Variants in MIA3 observed in about 807,000 individuals in gnomAD.
MIA3 encodes the protein MIA SH3 domain ER export factor 3, also known as transport and Golgi organization protein 1 homolog.
Under a neutral mutation model 192.4 loss-of-function variants are expected in MIA3, and 90 were observed. The ratio of observed to expected loss-of-function variants is 0.47; its 90% CI spans 0.39 to 0.56. The LOEUF is 0.56. MIA3 is among the 20% of genes least tolerant of loss of function. The pLI is 0.00. For missense variants in MIA3, 2,123 were observed against 2,269.4 expected, an observed-to-expected ratio of 0.94 and a Z score of 1.31; for synonymous variants, 740 against 792.8, an observed-to-expected ratio of 0.93 and a Z score of 1.12.
chr1:222,622,317 A>G (rs970401918), intron 2 of MIA3, among the ~76,000 whole-genome samples: 17 of 152,110 alleles, frequency 1.1e-4, no homozygotes, highest in African/African-American at 3.9e-4. Flanking sequence ...CTTATGAGTT[A>G]TTGTCCTTTC....
intron 4 of MIA3, 70 bp downstream of exon 4, chr1:222,630,459 T>C: frequency 2.7e-6 from 4 of 1,467,826 alleles, no homozygotes; most frequent in Non-Finnish European, 2.7e-6. Flanking sequence ...GTGCCTCCTA[T>C]CTTGTGAAGC....
intron 2 of MIA3, among the ~76,000 whole-genome samples, chr1:222,622,895 C>T (rs1397370748): frequency 2.0e-5 from 3 of 152,222 alleles, no homozygotes; most frequent in Non-Finnish European, 4.4e-5. Context: ...ACGCTGCCTT[C>T]AGCACCCAGC....
chr1:222,628,234 T>C lies in MIA3; in HGVS notation c.1014T>C (p.Asp338=). 1 of 1,614,088 alleles carries C rather than the reference T, an allele frequency of 6.2e-7. No individual in the cohort carries two copies. The highest frequency in any genetic ancestry group is 8.5e-7 in the Non-Finnish European group (1 of 1,180,016). Residue 338 remains aspartate (D), a synonymous_variant, in exon 4 of 28, where the codon GAT becomes GAC. Coordinates refer to ENST00000344922, the MANE Select transcript of MIA3 (RefSeq NM_198551.4). ...TACTTACCTTTACAGATGGGGAAGATATGAAAACTCCAGCAAAGTCTGGCG... is the reference window on the plus strand; with the variant it reads ...TACTTACCTTTACAGATGGGGAAGACATGAAAACTCCAGCAAAGTCTGGCG... ...LPLLTFTDGE[D]MKTPAKSGVE...
chr1:222,628,434 G>T lies in MIA3; in HGVS notation c.1214G>T (p.Ser405Ile). 6.2e-7 allele frequency: 1 copy of T among 1,613,332 alleles called. No homozygotes were observed. The highest frequency in any genetic ancestry group is 8.5e-7 in the Non-Finnish European group (1 of 1,179,830). Residue 405 changes from serine (S) to isoleucine (I), a missense_variant, in exon 4 of 28, where the codon AGC (serine) becomes ATC (isoleucine). Around this residue, in one of 3 missense-constraint regions of MIA3, gnomAD observed 1,357 missense variants for 1,396.1 expected, o/e 0.97. Coordinates refer to ENST00000344922, the MANE Select transcript of MIA3 (RefSeq NM_198551.4). ...EETRDTMDLE[S>I]SSSEEEKEDD... ...ACAAGAGATACGATGGATTTAGAGA[G>T]CTCTAGTTCAGAGGAAGAAAAAGAA...
chr1:222,623,270 GT>G (rs547728674), intron 2 of MIA3, among the ~76,000 whole-genome samples: 21,893 of 144,048 alleles, frequency 0.15, 2,654 homozygotes, highest in African/African-American at 0.35. Flanking sequence ...GTGAGCCTAT[GT>G]TTTTTTTTTT....
chr1:222,664,092 G>A lies in MIA3; in HGVS notation c.5357G>A (p.Gly1786Glu). 6.2e-7 allele frequency: 1 copy of A among 1,614,146 alleles called. No individual in the cohort carries two copies. The highest frequency in any genetic ancestry group is 8.5e-7 in the Non-Finnish European group (1 of 1,180,012). Residue 1786 changes from glycine to glutamate, a missense_variant, in exon 27 of 28, where the codon GGA becomes GAA. By Grantham distance (98) the Gly-to-Glu change is moderately conservative. Coordinates refer to ENST00000344922, the MANE Select transcript of MIA3 (RefSeq NM_198551.4). The stretch of plus-strand genomic sequence containing the variant: ...CCTGTACCACCACCCATTCGATATG[G>A]ACCACCACCTCAGCTCTGCGGACCT... ...GGPVPPPIRY[G>E]PPPQLCGPFG... is the part of the protein sequence containing the mutation.
intron 26 of MIA3, among the ~76,000 whole-genome samples, chr1:222,663,705 C>T (rs1239025547): frequency 1.3e-5 from 2 of 152,100 alleles, no homozygotes; most frequent in Non-Finnish European, 2.9e-5. Flanking sequence ...GTATGAATGG[C>T]GTAACTTCTA....
In MIA3 at chr1:222,660,287, C is replaced by T. The variant is rs1040322499; in HGVS notation, c.5086C>T (p.Arg1696Ter). The change falls in exon 24 of 28, where the codon CGA (arginine) becomes TGA (stop). Residue 1696 changes from arginine (R) to a stop codon, truncating the protein, a stop_gained. Coordinates refer to ENST00000344922, the MANE Select transcript of MIA3 (RefSeq NM_198551.4). LOFTEE classifies it high-confidence loss of function. ...PVRPLSATLN[R>*]RDMPRSEFGS... ...GAGACCTCTCTCTGCTACTCTCAAT[C>T]GAAGAGATATGCCTAGAAGTGAATT... 2.5e-6 allele frequency: 4 copies of T among 1,613,620 alleles called. No individual in the cohort carries two copies. The highest frequency in any genetic ancestry group is 1.3e-5 in the African/African-American group (1 of 74,886).
chr1:222,661,834 C>T (rs1558198429), intron 24 of MIA3, among the ~76,000 whole-genome samples: 1 of 152,204 alleles, frequency 6.6e-6, no homozygotes, highest in South Asian at 2.1e-4. Flanking sequence ...AAGTATAGAA[C>T]CAGAGCCATT....
chr1:222,657,814 G>A (rs964380319), intron 18 of MIA3, among the ~76,000 whole-genome samples: 2 of 152,180 alleles, frequency 1.3e-5, no homozygotes, highest in African/African-American at 4.8e-5. Context: ...AATATTTGCT[G>A]AAGTATTTAT....
intron 27 of MIA3, among the ~76,000 whole-genome samples, chr1:222,664,469 C>T (rs1028152188): frequency 1.3e-5 from 2 of 152,304 alleles, no homozygotes; most frequent in African/African-American, 4.8e-5. Flanking sequence ...CATCCCCTAA[C>T]TAAGATGTCC....
chr1:222,643,358 T>C (rs368448864), intron 6 of MIA3, among the ~76,000 whole-genome samples: 14 of 152,224 alleles, frequency 9.2e-5, no homozygotes, highest in African/African-American at 2.9e-4. Context: ...GGATTTTTTA[T>C]TCTGCCCCGT....
Position 222,627,856 on chromosome 1 carries a change from T to C in MIA3, c.636T>C (p.His212=), listed in dbSNP as rs760485555. 48 of 1,613,934 alleles carry C rather than the reference T, an allele frequency of 3.0e-5. No homozygotes were observed. Among genetic ancestry groups the C allele is most frequent in the Non-Finnish European group, 3.8e-5 (45 of 1,180,032 alleles). The change falls in exon 4 of 28, where the codon CAT becomes CAC. Residue 212 remains histidine, a synonymous_variant. Coordinates refer to ENST00000344922, the MANE Select transcript of MIA3 (RefSeq NM_198551.4). The part of the protein sequence containing the change: ...EQFTTQKHHS[H]ANSQANHAQG... ...TTACAACTCAGAAGCACCACTCCCA[T>C]GCAAACAGCCAAGCAAATCATGCTC...
chr1:222,650,267 CCTT>C (rs1218605398), intron 8 of MIA3, 22 bp from the exon 9 acceptor site: 4 of 1,324,564 alleles, frequency 3.0e-6, no homozygotes, highest in African/African-American at 1.5e-5. Context: ...ATCATAATAA[CCTT>C]ATTATTTTTT....
intron 27 of MIA3, 81 bp downstream of exon 27, chr1:222,664,229 T>C (rs1290325233): frequency 1.4e-6 from 2 of 1,439,854 alleles, no homozygotes; most frequent in East Asian, 2.3e-5. Context: ...ACAACTGCAA[T>C]TGCGGGGCTT....
chr1:222,629,127 A>G lies in MIA3; in HGVS notation c.1907A>G (p.Asp636Gly). 6.2e-7 allele frequency: 1 copy of G among 1,614,238 alleles called. No individual in the cohort carries two copies. The highest frequency in any genetic ancestry group is 8.5e-7 in the Non-Finnish European group (1 of 1,180,042). Residue 636 changes from aspartate (D) to glycine (G), a missense_variant, in exon 4 of 28, where the codon GAT (aspartate) becomes GGT (glycine). Around this residue, in one of 3 missense-constraint regions of MIA3, gnomAD observed 1,357 missense variants for 1,396.1 expected, o/e 0.97. Transcript: ENST00000344922. Reference sequence around the variant, plus strand: ...AACCAACCTAGATTCTCCTCTCCAGATGAGATTGATTTGCCCAGAGAACTG... The same window carrying G: ...AACCAACCTAGATTCTCCTCTCCAGGTGAGATTGATTTGCCCAGAGAACTG... ...TQNQPRFSSP[D>G]EIDLPRELED...
chr1:222,622,285 G>A (rs886547826), intron 2 of MIA3, among the ~76,000 whole-genome samples: 9 of 152,198 alleles, frequency 5.9e-5, no homozygotes, highest in African/African-American at 2.2e-4. Flanking sequence ...TTCACTGGGA[G>A]TGACCTGATT....
chr1:222,653,532 A>G (rs1363422227), intron 15 of MIA3, among the ~76,000 whole-genome samples, 193 bp downstream of exon 15: 3 of 152,184 alleles, frequency 2.0e-5, no homozygotes, highest in Non-Finnish European at 4.4e-5. Flanking sequence ...TGCAGTGAAC[A>G]CTGACTTTGT....
intron 6 of MIA3, among the ~76,000 whole-genome samples, chr1:222,633,935 C>A (rs773057919): frequency 2.0e-5 from 3 of 151,856 alleles, no homozygotes; most frequent in Non-Finnish European, 4.4e-5. Context: ...ACTGCAACCT[C>A]TGCCTCCTGG....
Sources: allele counts gnomAD v4.1 joint callset (sites outside exome capture counted in the v4.1 genomes callset), GRCh38; gene constraint gnomAD v4.1.1; regional missense constraint gnomAD v4.1.1; transcripts MANE v1.5; gene names NCBI Gene and HGNC (gene_info 2026-07-23, HGNC 2026-07-21).